Variants in NIBAN2 observed in about 807,000 individuals in gnomAD.
NIBAN2 encodes the protein protein Niban 2.
In NIBAN2, 36 loss-of-function variants were observed where a neutral mutation model predicts 81.8. The observed-to-expected ratio is 0.44, with a 90% CI of 0.34 to 0.58. NIBAN2 has a LOEUF of 0.58. NIBAN2 is among the 20% of genes least tolerant of loss of function. NIBAN2 has a pLI of 0.02. For missense variants in NIBAN2, 897 were observed against 1,014.1 expected, an observed-to-expected ratio of 0.88 and a Z score of 1.57; for synonymous variants, 445 against 441.6, an observed-to-expected ratio of 1.01 and a Z score of -0.10.
upstream of NIBAN2, among the ~76,000 whole-genome samples, chr9:127,571,653 G>A (rs541918077): frequency 1.3e-5 from 2 of 151,974 alleles, no homozygotes; most frequent in Non-Finnish European, 2.9e-5. Context: ...CCAAGATCGT[G>A]CCACTGCACT....
chr9:127,506,901 G>A lies in NIBAN2; in HGVS notation c.2185C>T (p.His729Tyr), dbSNP rs886157167. 5.0e-6 allele frequency: 8 copies of A among 1,612,432 alleles called. No individual in the cohort carries two copies. The African/African-American group carries it at 8.0e-5, about 16-fold the overall frequency. ...TCGGTGGTGGTGTGGAGGGCGGGGT[G>A]GCTGCTGGGGCTGGACACCTGCTCT... is the stretch of plus-strand genomic sequence containing the variant. ...TGEQVSSPSS[H>Y]PALHTTTEDS... is the part of the protein sequence containing the mutation. Residue 729 changes from histidine to tyrosine, a missense_variant, in exon 14 of 14, where the codon CAC becomes TAC. His to Tyr is a moderately conservative substitution (Grantham distance 83). Around this residue, in one of 3 missense-constraint regions of NIBAN2, gnomAD observed 619 missense variants for 691.0 expected, o/e 0.90. Coordinates refer to ENST00000373312, the MANE Select transcript of NIBAN2 (RefSeq NM_022833.4).
intron 8 of NIBAN2, among the ~76,000 whole-genome samples, chr9:127,511,947 A>G (rs1237412894): frequency 6.6e-6 from 1 of 152,202 alleles, no homozygotes; most frequent in Non-Finnish European, 1.5e-5. Context: ...AAAATAACAA[A>G]TGCTAGCGAG....
At chr9:127,549,031 T>C (rs1837525484) in intron 1 of NIBAN2, among the ~76,000 whole-genome samples, 1 of 151,606 alleles carries the variant, frequency 6.6e-6, no homozygotes, top group African/African-American at 2.4e-5. Context: ...CCTCCAAGAG[T>C]TGGTGTGAGG....
At chr9:127,554,245 G>T (rs1837626582) in intron 1 of NIBAN2, among the ~76,000 whole-genome samples, 2 of 152,158 alleles carry the variant, frequency 1.3e-5, no homozygotes, top group South Asian at 4.1e-4. Context: ...CCCTTTGCCT[G>T]GCACTCAAGG....
chr9:127,519,673 T>G (rs1836899434), intron 5 of NIBAN2, among the ~76,000 whole-genome samples: 1 of 152,174 alleles, frequency 6.6e-6, no homozygotes, highest in Admixed American at 6.5e-5. Flanking sequence ...GCTGCCTGGA[T>G]GGGGACGGGG....
rs146496636 is a variant in NIBAN2 at position 127,525,097 on chromosome 9, C to T, written c.382G>A (p.Val128Met). ...CCAATGAGCTCCAGGTATTGGTCCACGGACGTGAGGATTTTGTAGCCTGCA... is the reference window on the plus strand; with the variant it reads ...CCAATGAGCTCCAGGTATTGGTCCATGGACGTGAGGATTTTGTAGCCTGCA... ...NSAGYKILTS[V>M]DQYLELIGNS... is the part of the protein sequence containing the mutation. Residue 128 changes from valine to methionine, a missense_variant, in exon 4 of 14, where the codon GTG becomes ATG. By Grantham distance (21) the Val-to-Met change is conservative (BLOSUM62 1). Transcript: ENST00000373312. 68 of 1,614,148 alleles carry T rather than the reference C, an allele frequency of 4.2e-5. No homozygotes were observed. The highest frequency in any genetic ancestry group is 3.6e-4 in the East Asian group (16 of 44,880).
Position 127,531,643 on chromosome 9 carries a change from C to A in NIBAN2, c.186+5G>T. The A allele has an allele frequency of 6.2e-7, 1 of 1,612,492 alleles. No individual in the cohort carries two copies. Among genetic ancestry groups the A allele is most frequent in the Non-Finnish European group, 8.5e-7 (1 of 1,179,908 alleles). ...ACATACCCGAGCCCTCCCAGCACCT[C>A]TCACCTTGCGCCAGAGCAGCTGGGC... On this transcript the variant is annotated splice_donor_5th_base_variant and intron_variant, in intron 2 of 13. Coordinates refer to ENST00000373312, the MANE Select transcript of NIBAN2 (RefSeq NM_022833.4).
At chr9:127,531,926 T>A in intron 1 of NIBAN2, 148 bp from the exon 2 acceptor site, 1 of 1,123,158 alleles carries the variant, frequency 8.9e-7, no homozygotes, top group Non-Finnish European at 1.2e-6. Flanking sequence ...TGCGCTGCAT[T>A]TCTGGCCAGA....
chr9:127,572,696 A>C (rs974557522), upstream of NIBAN2, among the ~76,000 whole-genome samples: 1 of 152,126 alleles, frequency 6.6e-6, no homozygotes, highest in Non-Finnish European at 1.5e-5. Context: ...CTTCTGGGGT[A>C]GTAATGATAA....
At chr9:127,524,672 G>A (rs1588161727) in intron 4 of NIBAN2, 1 of 171,376 alleles carries the variant, frequency 5.8e-6, no homozygotes, top group East Asian at 1.7e-4. Context: ...TCAAGTCCCT[G>A]GGGCATGACC....
At chr9:127,556,026 C>G (rs1277641981) in intron 1 of NIBAN2, among the ~76,000 whole-genome samples, 1 of 152,046 alleles carries the variant, frequency 6.6e-6, no homozygotes, top group Admixed American at 6.5e-5. Context: ...GGTGTCCACC[C>G]CACCCTACCC....
intron 5 of NIBAN2, among the ~76,000 whole-genome samples, chr9:127,519,608 C>T (rs528364686): frequency 1.3e-5 from 2 of 152,372 alleles, no homozygotes; most frequent in East Asian, 1.9e-4. Flanking sequence ...CACTGCCTGT[C>T]GGAGCCGGGA....
rs144675266 is a variant in NIBAN2, at chr9:127,531,591, C to T, written c.186+57G>A. 417 of 1,572,302 alleles carry T rather than the reference C, an allele frequency of 2.7e-4. 1 individual carries two copies. Among genetic ancestry groups the T allele is most frequent in the Non-Finnish European group, 3.3e-4 (386 of 1,156,374 alleles). On this transcript the variant is annotated intron_variant, in intron 2 of 13. Transcript: ENST00000373312. ...GCCCAGAAAAGTAAGGTCACTCCCCCGAGGCCACATGGCGAGAAGTAGCAG... is the reference window on the plus strand; with the variant it reads ...GCCCAGAAAAGTAAGGTCACTCCCCTGAGGCCACATGGCGAGAAGTAGCAG...
At chr9:127,524,900 G>A (rs1322851047) in intron 4 of NIBAN2, 158 bp downstream of exon 4, 7 of 602,124 alleles carry the variant, frequency 1.2e-5, no homozygotes, top group Non-Finnish European at 2.1e-5. Flanking sequence ...TTAGGGAGAT[G>A]CGAAAGGCAA....
At chr9:127,510,592 G>C (rs922650006) in intron 8 of NIBAN2, among the ~76,000 whole-genome samples, 6 of 151,906 alleles carry the variant, frequency 3.9e-5, no homozygotes, top group Non-Finnish European at 8.8e-5. Flanking sequence ...GCGTGCCACT[G>C]TGCCCAGCTA....
chr9:127,509,818 TCC>T (rs1836698247), intron 9 of NIBAN2: 1 of 103,538 alleles, frequency 9.7e-6, no homozygotes, highest in Middle Eastern at 5.7e-3. Flanking sequence ...CCTCCTTCCC[TCC>T]TCTCCTTCCC....
In NIBAN2 at chr9:127,507,296, C is replaced by A. The variant is rs1214458262; in HGVS notation, c.1790G>T (p.Gly597Val). 1 of 1,595,562 alleles carries A rather than the reference C, an allele frequency of 6.3e-7. No individual in the cohort carries two copies. Among genetic ancestry groups the A allele is most frequent in the Non-Finnish European group, 8.6e-7 (1 of 1,167,942 alleles). Residue 597 changes from glycine to valine, a missense_variant, in exon 14 of 14, where the codon GGC (glycine) becomes GTC (valine). Transcript: ENST00000373312. This position sits in a 1 kb window ranked among gnomAD's most constrained non-coding sequence, Gnocchi z 6.8. Reference protein sequence around the residue: ...IDWGEEYSNSGGGGSPSPSTP... With the variant: ...IDWGEEYSNSVGGGSPSPSTP... ...GCTGGGGCTGGGGCTGCCGCCCCCG[C>A]CGCTGTTGCTGTACTCCTCGCCCCA...
chr9:127,534,679 G>T (rs1300845231), intron 1 of NIBAN2, among the ~76,000 whole-genome samples: 1 of 152,192 alleles, frequency 6.6e-6, no homozygotes, highest in Admixed American at 6.5e-5. Flanking sequence ...TTCCTGGAGT[G>T]AGGTCATGTC....
At chr9:127,531,110 G>T (rs569459103) in intron 2 of NIBAN2, among the ~76,000 whole-genome samples, 5 of 151,630 alleles carry the variant, frequency 3.3e-5, no homozygotes, top group Non-Finnish European at 5.9e-5. Flanking sequence ...AGCCAGGAAG[G>T]TTGAGGCTGC....
Sources: allele counts gnomAD v4.1 joint callset (sites outside exome capture counted in the v4.1 genomes callset), GRCh38; gene constraint gnomAD v4.1.1; regional missense constraint gnomAD v4.1.1; non-coding constraint Gnocchi (gnomAD v3.1); transcripts MANE v1.5; gene names NCBI Gene and HGNC (gene_info 2026-07-23, HGNC 2026-07-21).